The following CEP128 variants were observed in gnomAD, a reference collection of about 807,000 sequenced individuals.
The protein encoded by CEP128 is centrosomal protein 128kDa.
CEP128 carries 132 observed loss-of-function variants against 156.7 expected under a neutral mutation model. That is an observed-to-expected ratio of 0.84 (90% CI 0.73 to 0.97). CEP128 has a LOEUF of 0.97. Among genes scored for constraint, CEP128 ranks in the 50% least tolerant of loss-of-function variants. CEP128 has a pLI of 0.00. For missense variants in CEP128, 1,252 were observed against 1,281.9 expected, an observed-to-expected ratio of 0.98 and a Z score of 0.36; for synonymous variants, 469 against 448.9, an observed-to-expected ratio of 1.04 and a Z score of -0.57.
intron 2 of CEP128, among the ~76,000 whole-genome samples, chr14:80,926,867 C>T (rs936706020): frequency 3.3e-5 from 5 of 152,222 alleles, no homozygotes; most frequent in African/African-American, 1.2e-4. Flanking sequence ...AGTCTGTCCA[C>T]AGCCCCAGTA....
At chr14:80,561,336 G>T (rs752725844) in intron 20 of CEP128, among the ~76,000 whole-genome samples, 2 of 152,152 alleles carry the variant, frequency 1.3e-5, no homozygotes, top group Non-Finnish European at 2.9e-5. Context: ...TATGTTGTTG[G>T]TGACTTGTAT....
chr14:80,698,311 T>C lies in CEP128; in HGVS notation c.2806+44764A>G, dbSNP rs375848690. 2.4e-4 allele frequency among the ~76,000 whole-genome samples: 37 copies of C among 152,158 alleles called. No homozygotes were observed. In the East Asian group the frequency reaches 6.8e-3, roughly 28 times the overall value. ...TTAAGAAACTATTTACCTAACTATC[T>C]AAATATCACCAAGTAGAATCCCTAA... On this transcript the variant is annotated intron_variant, in intron 19 of 24. Transcript: ENST00000555265.
At position 80,915,160 on chromosome 14, in the gene CEP128, T is replaced by C. The variant is rs114889677; in HGVS notation, c.148-752A>G. 5.7e-3 allele frequency among the ~76,000 whole-genome samples: 862 copies of C among 151,902 alleles called. 12 individuals are homozygous for C. Among genetic ancestry groups the C allele is most frequent in the African/African-American group, 0.02 (822 of 41,384 alleles). On this transcript the variant is annotated intron_variant, in intron 3 of 24. Transcript: ENST00000555265. The stretch of plus-strand genomic sequence containing the variant: ...TCAGCTTCCTGGGCTCAAGGAATTC[T>C]ACACCACTATGCCCAGCTAAATTTT...
Position 80,715,434 on chromosome 14 carries a change from T to C in CEP128, c.2806+27641A>G, listed in dbSNP as rs532152534. On this transcript the variant is annotated intron_variant, in intron 19 of 24. Transcript: ENST00000555265. ...CTGCTATTTGCTAGGCATTGTTCTA[T>C]TAGGCCGTGGGTGAACGCATATGCA... Among the ~76,000 whole-genome samples the C allele has an allele frequency of 1.2e-4, 19 of 152,282 alleles. No individual in the cohort carries two copies. The South Asian group carries it at 3.3e-3, about 27-fold the overall frequency.
chr14:80,538,099 A>AGTGAAT (rs1313834788), intron 21 of CEP128, among the ~76,000 whole-genome samples: 5 of 152,148 alleles, frequency 3.3e-5, no homozygotes, highest in Non-Finnish European at 5.9e-5. Context: ...CAAGTAGGAC[A>AGTGAAT]GTGAATGTGA....
At chr14:80,560,970 G>A (rs1271231602) in intron 20 of CEP128, among the ~76,000 whole-genome samples, 1 of 152,110 alleles carries the variant, frequency 6.6e-6, no homozygotes, top group East Asian at 1.9e-4. Flanking sequence ...AGAGAAAAAT[G>A]GCGCACAGAA....
At chr14:80,865,971 C>T (rs1887749909) in intron 8 of CEP128, among the ~76,000 whole-genome samples, 1 of 152,128 alleles carries the variant, frequency 6.6e-6, no homozygotes, top group African/African-American at 2.4e-5. Flanking sequence ...CCCACTGAAA[C>T]TGCCAAATGA....
intron 8 of CEP128, among the ~76,000 whole-genome samples, chr14:80,886,013 C>T (rs962547857): frequency 7.3e-5 from 11 of 151,466 alleles, no homozygotes; most frequent in Middle Eastern, 3.4e-3. Context: ...ATCAATCAAG[C>T]GGAAGAAAGG....
chr14:80,836,095 A>G (rs1206039889), intron 12 of CEP128, 110 bp downstream of exon 12: 1 of 943,120 alleles, frequency 1.1e-6, no homozygotes, highest in African/African-American at 1.7e-5. Context: ...AAATAGTATG[A>G]CGTGAGCATC....
At position 80,797,178 on chromosome 14, in the gene CEP128, T is replaced by C. The variant is rs116080237; in HGVS notation, c.1210-4068A>G. Among the ~76,000 whole-genome samples the C allele has an allele frequency of 7.4e-3, 1,129 of 152,282 alleles. 14 individuals carry two copies. The highest frequency in any genetic ancestry group is 0.026 in the African/African-American group (1,066 of 41,546). ...AAGTAACTTCAGGGTTATTTAATCTTCTGTAACTACAGAGCAACAACAGGG... is the reference window on the plus strand; with the variant it reads ...AAGTAACTTCAGGGTTATTTAATCTCCTGTAACTACAGAGCAACAACAGGG... On this transcript the variant is annotated intron_variant, in intron 13 of 24. Transcript: ENST00000555265.
At chr14:80,583,495 T>C (rs760051047) in intron 19 of CEP128, among the ~76,000 whole-genome samples, 6 of 152,212 alleles carry the variant, frequency 3.9e-5, no homozygotes, top group Admixed American at 1.3e-4. Flanking sequence ...CCCCTGAGCA[T>C]ATGAGCTAAG....
At chr14:80,615,321 G>C (rs575518540) in intron 19 of CEP128, among the ~76,000 whole-genome samples, 1 of 152,326 alleles carries the variant, frequency 6.6e-6, no homozygotes, top group Non-Finnish European at 1.5e-5. Flanking sequence ...GGTCCACTAT[G>C]TGATATTAAT....
intron 1 of CEP128, 53 bp downstream of exon 1, chr14:80,941,528 A>T (rs913620110): frequency 2.0e-5 from 3 of 152,734 alleles, no homozygotes; most frequent in Non-Finnish European, 4.4e-5. Flanking sequence ...AAACGTCTAC[A>T]GTAAGACGGG....
At chr14:80,913,754 A>T (rs1884385356) in intron 4 of CEP128, among the ~76,000 whole-genome samples, 1 of 152,116 alleles carries the variant, frequency 6.6e-6, no homozygotes, top group African/African-American at 2.4e-5. Flanking sequence ...TATAATGGAC[A>T]GTGGAGACTC....
intron 20 of CEP128, among the ~76,000 whole-genome samples, chr14:80,567,425 A>C (rs1199799228): frequency 1.3e-5 from 2 of 152,166 alleles, no homozygotes; most frequent in East Asian, 3.9e-4. Context: ...ATGCAGCCTG[A>C]GCGGCAAGGT....
intron 19 of CEP128, among the ~76,000 whole-genome samples, chr14:80,703,577 C>A (rs1452091735): frequency 6.6e-6 from 1 of 151,772 alleles, no homozygotes; most frequent in Admixed American, 6.6e-5. Context: ...ATAGTAATTT[C>A]CAATTCAAAA....
intron 23 of CEP128, among the ~76,000 whole-genome samples, chr14:80,519,365 T>C (rs994318688): frequency 1.3e-5 from 2 of 152,242 alleles, no homozygotes; most frequent in Admixed American, 6.5e-5. Context: ...TATTTAATGA[T>C]ACCCACCAAG....
chr14:80,883,295 T>C (rs1387193062), intron 8 of CEP128, among the ~76,000 whole-genome samples: 1 of 151,380 alleles, frequency 6.6e-6, no homozygotes, highest in Non-Finnish European at 1.5e-5. Context: ...AAGGAAGAAG[T>C]CAAATTAATT....
chr14:80,663,381 G>C (rs1895478602), intron 19 of CEP128, among the ~76,000 whole-genome samples: 1 of 152,146 alleles, frequency 6.6e-6, no homozygotes, highest in African/African-American at 2.4e-5. Context: ...CCTCCAGGGA[G>C]AAGTAGCAAA....
Sources: allele counts gnomAD v4.1 joint callset (sites outside exome capture counted in the v4.1 genomes callset), GRCh38; gene constraint gnomAD v4.1.1; transcripts MANE v1.5; gene names NCBI Gene and HGNC (gene_info 2026-07-23, HGNC 2026-07-21).